The following DNAH6 variants were observed in gnomAD, a reference collection of about 807,000 sequenced individuals.
DNAH6 encodes the protein dynein axonemal heavy chain 6, also known as axonemal beta dynein heavy chain 6.
A neutral mutation model predicts 491.4 loss-of-function variants in DNAH6; 340 were observed. The ratio of observed to expected loss-of-function variants is 0.69; its 90% CI spans 0.63 to 0.76. The LOEUF (loss-of-function observed/expected upper bound fraction) is 0.76, where lower values mean the gene tolerates loss of function less well. Among genes scored for constraint, DNAH6 ranks in the 30% least tolerant of loss-of-function variants. The pLI is 0.00. For synonymous variants in DNAH6, 1,603 were observed against 1,686.1 expected, an observed-to-expected ratio of 0.95 and a Z score of 1.21; for missense variants, 4,443 against 4,972.2, an observed-to-expected ratio of 0.89 and a Z score of 3.20.
intron 42 of DNAH6, 55 bp downstream of exon 42, chr2:84,681,583 C>A (rs1693777972): frequency 7.1e-6 from 10 of 1,402,304 alleles, no homozygotes; most frequent in Non-Finnish European, 8.5e-6. Context: ...TTTCCATTGG[C>A]CCCCAAATAT....
chr2:84,773,083 A>G (rs1402391881), intron 64 of DNAH6, among the ~76,000 whole-genome samples: 1 of 152,120 alleles, frequency 6.6e-6, no homozygotes, highest in Non-Finnish European at 1.5e-5. Flanking sequence ...TCATTTTTTT[A>G]AAACTTCAAC....
chr2:84,532,860 T>G (rs1573524978), intron 4 of DNAH6, among the ~76,000 whole-genome samples: 1 of 152,156 alleles, frequency 6.6e-6, no homozygotes, highest in South Asian at 2.1e-4. Flanking sequence ...GAAAATAGAA[T>G]AAGTTATAAG....
At chr2:84,631,219 G>A (rs13394674) in intron 29 of DNAH6, among the ~76,000 whole-genome samples, 10,856 of 152,120 alleles carry the variant, frequency 0.071, 1,286 homozygotes, top group African/African-American at 0.25. Flanking sequence ...TGCCATAATC[G>A]TGTCTGAAAA....
chr2:84,656,083 C>A (rs140995620), intron 35 of DNAH6, among the ~76,000 whole-genome samples: 10 of 152,060 alleles, frequency 6.6e-5, no homozygotes, highest in African/African-American at 2.4e-4. Context: ...GGCTTTTTTT[C>A]ACTTGGTAAT....
chr2:84,463,253 G>A, the DNAH6 span, among the ~76,000 whole-genome samples: 1 of 152,268 alleles, frequency 6.6e-6, no homozygotes, highest in East Asian at 1.9e-4. Flanking sequence ...AAAGAAGAGG[G>A]GGAGACAGAC....
rs577476591 is a variant in DNAH6, at chr2:84,534,924, G to T, written c.662+5758G>T. On this transcript the variant is annotated intron_variant, in intron 4 of 76. Transcript: ENST00000389394. Reference sequence around the variant, plus strand: ...TAAGTCAAATAGAATAACAGATTTAGCATTAGAAATAACATTTCTTTATTA... The same window carrying T: ...TAAGTCAAATAGAATAACAGATTTATCATTAGAAATAACATTTCTTTATTA... 9.2e-5 allele frequency among the ~76,000 whole-genome samples: 14 copies of T among 151,968 alleles called. No homozygotes were observed. The South Asian group carries it at 2.9e-3, about 32-fold the overall frequency.
intron 40 of DNAH6, among the ~76,000 whole-genome samples, chr2:84,676,626 A>G (rs981601502): frequency 6.6e-6 from 1 of 152,222 alleles, no homozygotes; most frequent in Non-Finnish European, 1.5e-5. Context: ...TTCAGTAACC[A>G]CTAATCCAGT....
At chr2:84,553,068 C>A in intron 10 of DNAH6, 34 bp downstream of exon 10, 1 of 1,289,584 alleles carries the variant, frequency 7.8e-7, no homozygotes, top group Non-Finnish European at 1.1e-6. Context: ...CACATGCAAG[C>A]ACCTATTTGG....
the DNAH6 span, among the ~76,000 whole-genome samples, chr2:84,488,393 TAAAA>T: frequency 1.7e-4 from 25 of 150,022 alleles, no homozygotes; most frequent in Non-Finnish European, 3.3e-4. Context: ...AATTAAAAAA[TAAAA>T]AAATAAAAAA....
chr2:84,584,396 G>A (rs1347496196), intron 15 of DNAH6, 146 bp downstream of exon 15: 16 of 851,500 alleles, frequency 1.9e-5, no homozygotes, highest in African/African-American at 5.1e-5. Flanking sequence ...TTGTGAAATT[G>A]TTAATCAAGC....
chr2:84,701,034 G>C, intron 48 of DNAH6, 63 bp from the exon 49 acceptor site: 1 of 1,521,118 alleles, frequency 6.6e-7, no homozygotes, highest in Non-Finnish European at 8.9e-7. Flanking sequence ...GTTTTTCTTG[G>C]TATTAAACTG....
chr2:84,568,267 A>T (rs1428046742), intron 11 of DNAH6, among the ~76,000 whole-genome samples: 1 of 152,210 alleles, frequency 6.6e-6, no homozygotes, highest in Non-Finnish European at 1.5e-5. Context: ...AGATATATGC[A>T]TACACACATT....
At chr2:84,602,859 C>T (rs576018686) in intron 18 of DNAH6, among the ~76,000 whole-genome samples, 1 of 141,424 alleles carries the variant, frequency 7.1e-6, no homozygotes, top group Admixed American at 7.3e-5. Context: ...AATTTATACT[C>T]ACTTATCTTC....
At chr2:84,586,862 A>G (rs1683607456) in intron 15 of DNAH6, among the ~76,000 whole-genome samples, 1 of 152,154 alleles carries the variant, frequency 6.6e-6, no homozygotes, top group South Asian at 2.1e-4. Flanking sequence ...GCATATGGTT[A>G]AAAAGTATGA....
At chr2:84,705,832 G>A (rs190679760) in intron 52 of DNAH6, 85 bp downstream of exon 52, 3 of 1,408,058 alleles carry the variant, frequency 2.1e-6, no homozygotes, top group East Asian at 2.5e-5. Context: ...TGTTACTGTG[G>A]TCCTACGCAA....
chr2:84,581,529 C>T (rs4832097), intron 14 of DNAH6, among the ~76,000 whole-genome samples: 142,066 of 152,292 alleles, frequency 0.93, 66,303 homozygotes, highest in East Asian at 0.99. Flanking sequence ...GTAGTAATTC[C>T]TGCCTATGGG....
chr2:84,558,349 C>T (rs979728351), intron 11 of DNAH6, among the ~76,000 whole-genome samples: 5 of 150,876 alleles, frequency 3.3e-5, no homozygotes, highest in Admixed American at 1.3e-4. Context: ...GGTGTGAACC[C>T]GGGAGGCAAA....
rs572347800 is a variant in DNAH6, at chr2:84,757,845, TC to T, written c.10513-4909del. ...CTTCCACCTTCCTGAGAGACAACTATCACCGGGACAAATCAAAGGACAGGAA... is the reference window on the plus strand; with the variant it reads ...CTTCCACCTTCCTGAGAGACAACTATACCGGGACAAATCAAAGGACAGGAA... On this transcript the variant is annotated intron_variant, in intron 63 of 76. Coordinates refer to ENST00000389394, the MANE Select transcript of DNAH6 (RefSeq NM_001370.2). Among the ~76,000 whole-genome samples, 7 of 152,238 alleles carry T rather than the reference TC, an allele frequency of 4.6e-5. No homozygotes were observed. In the South Asian group the frequency reaches 1.5e-3, roughly 32 times the overall value.
intron 57 of DNAH6, 137 bp from the exon 58 acceptor site, chr2:84,715,423 A>C: frequency 1.5e-6 from 1 of 686,896 alleles, no homozygotes; most frequent in Non-Finnish European, 2.4e-6. Context: ...CACCTAAAGT[A>C]TGTGTGGGGG....
Sources: gnomAD v4.1 joint callset for allele counts (sites outside exome capture counted in the v4.1 genomes callset) on GRCh38, gnomAD v4.1.1 for gene constraint, MANE v1.5 for transcripts, NCBI Gene and HGNC (gene_info 2026-07-23, HGNC 2026-07-21) for gene names.